Variants in ODAD2 observed in about 807,000 individuals in gnomAD.
The protein encoded by ODAD2 is outer dynein arm-docking complex subunit 2.
Under a neutral mutation model 106.8 loss-of-function variants are expected in ODAD2, and 89 were observed. The observed-to-expected ratio is 0.83, with a 90% CI of 0.70 to 0.99. The LOEUF is 0.99. Among genes scored for constraint, ODAD2 ranks in the 50% least tolerant of loss-of-function variants. ODAD2 has a pLI of 0.00. For synonymous variants in ODAD2, 404 were observed against 436.2 expected (o/e 0.93, Z 0.92); for missense variants, 1,168 against 1,238.5 (o/e 0.94, Z 0.85).
chr10:27,812,443 TTTCTGGCCATGGGAGTGACATG>T lies in ODAD2; in HGVS notation c.*47_*68del. On this transcript the variant is annotated 3_prime_UTR_variant, in exon 20 of 20. Coordinates refer to ENST00000305242, the MANE Select transcript of ODAD2 (RefSeq NM_018076.5). The stretch of plus-strand genomic sequence containing the variant: ...CTAACAACTGTTTCCCAATTTAGGC[TTTCTGGCCATGGGAGTGACATG>T]TCCTGTGTCATGTAGAATTTGATAG... 1 of 1,482,522 alleles carries T rather than the reference TTTCTGGCCATGGGAGTGACATG, an allele frequency of 6.7e-7. No homozygotes were observed. The highest frequency in any genetic ancestry group is 1.4e-5 in the African/African-American group (1 of 69,934). 91.8% of individuals were successfully genotyped at this position (1,482,522 alleles called of 1,614,324 possible).
At chr10:27,934,525 A>C (rs1845828069) in intron 16 of ODAD2, among the ~76,000 whole-genome samples, 1 of 151,354 alleles carries the variant, frequency 6.6e-6, no homozygotes, top group South Asian at 2.1e-4. Context: ...ATTGTTCTTA[A>C]ATTGTCTTTT....
chr10:27,903,496 G>A (rs1843361629), intron 17 of ODAD2, among the ~76,000 whole-genome samples: 1 of 152,058 alleles, frequency 6.6e-6, no homozygotes, highest in African/African-American at 2.4e-5. Context: ...AATAGGAAGA[G>A]AGGAAGTCAA....
At position 27,987,024 on chromosome 10, in the gene ODAD2, G is replaced by C. The variant is rs538544945; in HGVS notation, c.382+362C>G. On this transcript the variant is annotated intron_variant, in intron 3 of 19. Coordinates refer to ENST00000305242, the MANE Select transcript of ODAD2 (RefSeq NM_018076.5). Reference sequence around the variant, plus strand: ...AGTATGCCGAGAGAGAGTGGATTCAGAGGCCAGCCCTTGTCATCTGTCTTC... The same window carrying C: ...AGTATGCCGAGAGAGAGTGGATTCACAGGCCAGCCCTTGTCATCTGTCTTC... Among the ~76,000 whole-genome samples, 4 of 152,332 alleles carry C rather than the reference G, an allele frequency of 2.6e-5. No homozygotes were observed. The South Asian group carries it at 8.3e-4, about 32-fold the overall frequency.
At chr10:27,959,127 A>C (rs1847928279) in intron 10 of ODAD2, among the ~76,000 whole-genome samples, 1 of 143,402 alleles carries the variant, frequency 7.0e-6, no homozygotes, top group Non-Finnish European at 1.5e-5. Flanking sequence ...GCTTGAGGCC[A>C]GGAGTTCAAG....
intron 16 of ODAD2, among the ~76,000 whole-genome samples, chr10:27,934,191 G>C (rs1845803541): frequency 6.6e-6 from 1 of 152,070 alleles, no homozygotes; most frequent in South Asian, 2.1e-4. Context: ...ATGTGGAACT[G>C]TGAGTGAATT....
In ODAD2 at chr10:27,940,607, T is replaced by C. The variant is rs1846339043; in HGVS notation, c.1942A>G (p.Met648Val). ...AATGTCCCCACCACTGGAATTAGCA[T>C]GTTTTCATGAGAAGTCTTCAGCAGC... ...ARLLKTSHEN[M>V]LIPVVGTLQE... The change falls in exon 13 of 20, where the codon ATG (methionine) becomes GTG (valine). Residue 648 changes from methionine (M) to valine (V), a missense_variant. Physicochemically the swap from Met to Val is conservative, Grantham distance 21. This residue lies in a region of ODAD2 where 701 missense variants were observed against 712.3 expected (regional missense o/e 0.98). Transcript: ENST00000305242. 3 of 1,614,014 alleles carry C rather than the reference T, an allele frequency of 1.9e-6. No homozygotes were observed. Among genetic ancestry groups the C allele is most frequent in the South Asian group, 2.2e-5 (2 of 91,082 alleles).
chr10:27,991,106 T>A (rs1479330831), intron 2 of ODAD2, among the ~76,000 whole-genome samples: 1 of 152,208 alleles, frequency 6.6e-6, no homozygotes, highest in African/African-American at 2.4e-5. Flanking sequence ...TGTCATTTGT[T>A]CTTAGTTTAC....
intron 19 of ODAD2, among the ~76,000 whole-genome samples, chr10:27,827,400 T>C (rs904333617): frequency 5.4e-5 from 8 of 148,358 alleles, no homozygotes; most frequent in Admixed American, 1.4e-4. Flanking sequence ...TATATATATA[T>C]ATATATATAT....
chr10:27,976,714 A>G (rs1382095479), intron 7 of ODAD2, among the ~76,000 whole-genome samples: 1 of 152,204 alleles, frequency 6.6e-6, no homozygotes, highest in Non-Finnish European at 1.5e-5. Context: ...CCGTAATTCC[A>G]TCAGGCAATT....
At chr10:27,819,379 T>A (rs1287664071) in intron 19 of ODAD2, among the ~76,000 whole-genome samples, 1 of 152,062 alleles carries the variant, frequency 6.6e-6, no homozygotes, top group Admixed American at 6.5e-5. Context: ...AGATATACTA[T>A]GAAAGATTAA....
intron 19 of ODAD2, among the ~76,000 whole-genome samples, chr10:27,852,492 C>T (rs1839332320): frequency 6.6e-6 from 1 of 152,038 alleles, no homozygotes; most frequent in Non-Finnish European, 1.5e-5. Flanking sequence ...AATACATATG[C>T]TATGAACTCT....
chr10:27,963,527 A>G (rs1272612524), intron 9 of ODAD2, among the ~76,000 whole-genome samples: 1 of 152,248 alleles, frequency 6.6e-6, no homozygotes, highest in Non-Finnish European at 1.5e-5. Flanking sequence ...TGACCATAAT[A>G]GAACACACAA....
intron 1 of ODAD2, chr10:27,997,626 G>A (rs1433642829): frequency 6.6e-6 from 1 of 152,122 alleles, no homozygotes; most frequent in Non-Finnish European, 1.5e-5. Flanking sequence ...GTGAACCGTA[G>A]CAATGCACAA....
chr10:27,991,176 A>T (rs928791501), intron 2 of ODAD2, among the ~76,000 whole-genome samples: 1 of 152,194 alleles, frequency 6.6e-6, no homozygotes, highest in African/African-American at 2.4e-5. Context: ...ATCCTGTCTG[A>T]TAAGAACAAA....
intron 17 of ODAD2, among the ~76,000 whole-genome samples, chr10:27,886,592 T>C (rs1056481072): frequency 6.6e-6 from 1 of 152,026 alleles, no homozygotes; most frequent in Non-Finnish European, 1.5e-5. Flanking sequence ...TTGGTAAAAA[T>C]AAATAGATGA....
At chr10:27,991,692 A>G (rs1218217702) in intron 2 of ODAD2, among the ~76,000 whole-genome samples, 4 of 152,204 alleles carry the variant, frequency 2.6e-5, no homozygotes, top group African/African-American at 9.6e-5. Flanking sequence ...GAGGCCTGAG[A>G]GGTCTACCCA....
intron 17 of ODAD2, among the ~76,000 whole-genome samples, chr10:27,906,254 GA>G (rs1188080230): frequency 1.3e-5 from 2 of 152,116 alleles, no homozygotes; most frequent in African/African-American, 2.4e-5. Flanking sequence ...ACAAACGTAT[GA>G]AAAAAAGCTC....
At chr10:27,912,555 G>A (rs918926564) in intron 16 of ODAD2, among the ~76,000 whole-genome samples, 2 of 152,156 alleles carry the variant, frequency 1.3e-5, no homozygotes, top group Non-Finnish European at 2.9e-5. Context: ...AACAGTTTGT[G>A]CCCATACTGT....
intron 19 of ODAD2, among the ~76,000 whole-genome samples, chr10:27,829,778 G>A (rs1162264258): frequency 6.6e-6 from 1 of 152,020 alleles, no homozygotes; most frequent in African/African-American, 2.4e-5. Flanking sequence ...TCACATTTCA[G>A]TGAAAGAAAC....
Sources: gnomAD v4.1 joint callset for allele counts (sites outside exome capture counted in the v4.1 genomes callset) on GRCh38, gnomAD v4.1.1 for gene constraint, gnomAD v4.1.1 regional missense constraint, MANE v1.5 for transcripts, NCBI Gene and HGNC (gene_info 2026-07-23, HGNC 2026-07-21) for gene names.